Variants in PIGY observed in about 807,000 individuals in gnomAD.
PIGY encodes the protein phosphatidylinositol N-acetylglucosaminyltransferase subunit Y.
PIGY carries 3 observed loss-of-function variants against 4.1 expected under a neutral mutation model. That is an observed-to-expected ratio of 0.73 (90% CI 0.33 to 1.89). The LOEUF (loss-of-function observed/expected upper bound fraction) is 1.89, where lower values mean the gene tolerates loss of function less well. Among genes scored for constraint, PIGY ranks in the 40% most tolerant of loss-of-function variants. The pLI is 0.08. For missense variants in PIGY, 78 were observed against 80.3 expected (o/e 0.97, Z 0.11); for synonymous variants, 33 against 31.4 (o/e 1.05, Z -0.18).
At chr4:88,522,393 C>T (rs1742402755) in intron 1 of PIGY, among the ~76,000 whole-genome samples, 1 of 152,088 alleles carries the variant, frequency 6.6e-6, no homozygotes, top group Non-Finnish European at 1.5e-5. Flanking sequence ...CTGGAATAAA[C>T]ACTAGAGAAA....
chr4:88,523,453 G>C, intron 1 of PIGY, 45 bp downstream of exon 1: 1 of 1,542,718 alleles, frequency 6.5e-7, no homozygotes. Context: ...CTCCCTTTCC[G>C]CCCACCGGGA....
chr4:88,523,544 C>A lies in PIGY; in HGVS notation c.-287G>T, dbSNP rs1742459687. On this transcript the variant is annotated 5_prime_UTR_variant, in exon 1 of 2. Transcript: ENST00000527353. Reference sequence around the variant, plus strand: ...GGGCACACCAGGAACTCCAGCAGCGCCGGATCGAAGTCGCGGGGCGGCTCC... The same window carrying A: ...GGGCACACCAGGAACTCCAGCAGCGACGGATCGAAGTCGCGGGGCGGCTCC... The A allele has an allele frequency of 6.4e-7, 1 of 1,551,052 alleles. No individual in the cohort carries two copies. The highest frequency in any genetic ancestry group is 8.7e-7 in the Non-Finnish European group (1 of 1,146,888).
rs1336052550 is a variant in PIGY at position 88,523,034 on chromosome 4, C to A, written c.-241+464G>T. Among the ~76,000 whole-genome samples the A allele has an allele frequency of 7.2e-5, 11 of 152,008 alleles. No homozygotes were observed. In the East Asian group the frequency reaches 2.1e-3, roughly 29 times the overall value. ...GGGCGTGGGGGCGGCGCCTGTCTCT[C>A]GACTCCTGAGGAGGCTGAGGCGGGA... On this transcript the variant is annotated intron_variant, in intron 1 of 1. Transcript: ENST00000527353.
rs1379565707 is a variant in PIGY at position 88,521,849 on chromosome 4, G to A, written c.-60C>T. The A allele has an allele frequency of 1.3e-6, 2 of 1,560,734 alleles. No individual in the cohort carries two copies. Among genetic ancestry groups the A allele is most frequent in the Non-Finnish European group, 1.7e-6 (2 of 1,154,350 alleles). ...TAAAAGGTATATGGTATTAAGAAAA[G>A]TTGGCTGTTGCGTTTTTTTAATTTT... On this transcript the variant is annotated 5_prime_UTR_variant, in exon 2 of 2. Transcript: ENST00000527353.
rs1478954920 is a variant in PIGY, at chr4:88,522,013, T to C, written c.-224A>G. 7 of 1,546,926 alleles carry C rather than the reference T, an allele frequency of 4.5e-6. No individual in the cohort carries two copies. The highest frequency in any genetic ancestry group is 5.2e-6 in the Non-Finnish European group (6 of 1,145,732). On this transcript the variant is annotated 5_prime_UTR_variant, in exon 2 of 2. Transcript: ENST00000527353. ...CCCAACTCTTCATTAATCAATTCGT[T>C]TGTTGATGCTTCATATCTGAGGTGG...
intron 1 of PIGY, 85 bp downstream of exon 1, chr4:88,523,413 C>G (rs2149119338): frequency 7.2e-7 from 1 of 1,381,438 alleles, no homozygotes; most frequent in East Asian, 2.5e-5. Flanking sequence ...CTACAAGGCC[C>G]CAGTGGCTGC....
chr4:88,522,711 T>C (rs1742414699), intron 1 of PIGY, among the ~76,000 whole-genome samples: 1 of 152,216 alleles, frequency 6.6e-6, no homozygotes, highest in South Asian at 2.1e-4. Flanking sequence ...CAATATTCAA[T>C]TTTGGTAGCT....
At position 88,521,546 on chromosome 4, in the gene PIGY, T is replaced by C; in HGVS notation, c.*28A>G. 1.3e-6 allele frequency: 2 copies of C among 1,548,166 alleles called. No homozygotes were observed. The highest frequency in any genetic ancestry group is 1.8e-6 in the Non-Finnish European group (2 of 1,121,956). On this transcript the variant is annotated 3_prime_UTR_variant, in exon 2 of 2. Transcript: ENST00000527353. ...ATCGATGCCCAAGAGCTATCATTAA[T>C]ATATACAGCATATTGACTCTAGTTG...
chr4:88,521,557 T>C lies in PIGY; in HGVS notation c.*17A>G, dbSNP rs1200695087. 1.3e-6 allele frequency: 2 copies of C among 1,564,682 alleles called. No individual in the cohort carries two copies. Among genetic ancestry groups the C allele is most frequent in the African/African-American group, 1.4e-5 (1 of 73,874 alleles). On this transcript the variant is annotated 3_prime_UTR_variant, in exon 2 of 2. Coordinates refer to ENST00000527353, the MANE Select transcript of PIGY (RefSeq NM_001042616.3). ...AGAGCTATCATTAATATATACAGCA[T>C]ATTGACTCTAGTTGCATCAATTATG...
Position 88,523,691 on chromosome 4 carries a change from C to T in PIGY, c.-434G>A. 1.0e-5 allele frequency: 15 copies of T among 1,487,876 alleles called. No homozygotes were observed. Among genetic ancestry groups the T allele is most frequent in the Non-Finnish European group, 1.2e-5 (14 of 1,126,156 alleles). 92.2% of individuals were successfully genotyped at this position (1,487,876 alleles called of 1,614,324 possible). On this transcript the variant is annotated 5_prime_UTR_variant, in exon 1 of 2. Transcript: ENST00000527353. ...GCTGAGGCGAGCCTGCAGCGTGCTC[C>T]ACTCAGCATGGTCTGGCAGCCGGAG... is the stretch of plus-strand genomic sequence containing the variant.
intron 1 of PIGY, among the ~76,000 whole-genome samples, chr4:88,522,612 C>T (rs1169957127): frequency 2.0e-5 from 3 of 152,124 alleles, no homozygotes; most frequent in African/African-American, 4.8e-5. Context: ...AAAAGAAATA[C>T]GAAAAATTGC....
intron 1 of PIGY, among the ~76,000 whole-genome samples, chr4:88,522,588 TG>T (rs1742410078): frequency 6.6e-6 from 1 of 152,244 alleles, no homozygotes; most frequent in Non-Finnish European, 1.5e-5. Context: ...TTGAATAATA[TG>T]TTTATTACGG....
rs757668194 is a variant in PIGY, at chr4:88,521,852, G to A, written c.-63C>T. 4.5e-6 allele frequency: 7 copies of A among 1,557,262 alleles called. No homozygotes were observed. Among genetic ancestry groups the A allele is most frequent in the Middle Eastern group, 1.7e-4 (1 of 5,962 alleles). ...AAGGTATATGGTATTAAGAAAAGTT[G>A]GCTGTTGCGTTTTTTTAATTTTTTT... On this transcript the variant is annotated 5_prime_UTR_variant, in exon 2 of 2. Transcript: ENST00000527353.
Position 88,522,010 on chromosome 4 carries a change from C to T in PIGY, c.-221G>A, listed in dbSNP as rs1209691786. 7 of 1,547,078 alleles carry T rather than the reference C, an allele frequency of 4.5e-6. No homozygotes were observed. The highest frequency in any genetic ancestry group is 2.4e-5 in the East Asian group (1 of 40,870). On this transcript the variant is annotated 5_prime_UTR_variant, in exon 2 of 2. Coordinates refer to ENST00000527353, the MANE Select transcript of PIGY (RefSeq NM_001042616.3). ...ATTCCCAACTCTTCATTAATCAATT[C>T]GTTTGTTGATGCTTCATATCTGAGG...
At chr4:88,522,412 T>C (rs2149118076) in intron 1 of PIGY, among the ~76,000 whole-genome samples, 1 of 152,330 alleles carries the variant, frequency 6.6e-6, no homozygotes, top group East Asian at 1.9e-4. Flanking sequence ...AAAATCAACT[T>C]CTTCATTTTA....
intron 1 of PIGY, 148 bp downstream of exon 1, chr4:88,523,350 G>T: frequency 1.2e-6 from 1 of 825,782 alleles, no homozygotes. Flanking sequence ...TGCCCGCTGT[G>T]CGCCCGGCGA....
chr4:88,521,640 G>A lies in PIGY; in HGVS notation c.150C>T (p.Thr50=), dbSNP rs775261190. 9.9e-6 allele frequency: 16 copies of A among 1,613,994 alleles called. No homozygotes were observed. The South Asian group carries it at 1.4e-4, about 14-fold the overall frequency. ...LCFYSLLLPI[T]IPVYVFFHLW... ...GGTGGAAGAATACATACACTGGTAT[G>A]GTAATAGGCAAGAGCAGGCTGTAAA... The change falls in exon 2 of 2, where the codon ACC becomes ACT. Residue 50 remains threonine, a synonymous_variant. Coordinates refer to ENST00000527353, the MANE Select transcript of PIGY (RefSeq NM_001042616.3).
chr4:88,521,705 T>G lies in PIGY; in HGVS notation c.85A>C (p.Asn29His), dbSNP rs1282349184. 6.2e-7 allele frequency: 1 copy of G among 1,613,938 alleles called. No individual in the cohort carries two copies. Among genetic ancestry groups the G allele is most frequent in the Admixed American group, 1.7e-5 (1 of 60,020 alleles). Residue 29 changes from asparagine to histidine, a missense_variant, in exon 2 of 2, where the codon AAC becomes CAC. Physicochemically the swap from Asn to His is moderately conservative, Grantham distance 68. Coordinates refer to ENST00000527353, the MANE Select transcript of PIGY (RefSeq NM_001042616.3). Reference sequence around the variant, plus strand: ...GTGCTAGTGCAGCCCTGTGGGAAGTTTTCTTCCACAGAGGCTGAGTAGAAC... The same window carrying G: ...GTGCTAGTGCAGCCCTGTGGGAAGTGTTCTTCCACAGAGGCTGAGTAGAAC... ...GLFYSASVEENFPQGCTSTAS... is the reference protein window; with the variant it reads ...GLFYSASVEEHFPQGCTSTAS...
chr4:88,523,723 C>A lies in PIGY; in HGVS notation c.-466G>T. On this transcript the variant is annotated 5_prime_UTR_variant, in exon 1 of 2. Coordinates refer to ENST00000527353, the MANE Select transcript of PIGY (RefSeq NM_001042616.3). ...CATGGTCTGGCAGCCGGAGACCAGG[C>A]CTCACCGCAGCCTCGCCACCCGTGG... 1 of 1,427,194 alleles carries A rather than the reference C, an allele frequency of 7.0e-7. No homozygotes were observed. The highest frequency in any genetic ancestry group is 9.1e-7 in the Non-Finnish European group (1 of 1,098,194). The allele number at this position is 1,427,194 out of a possible 1,614,324, so 88.4% of individuals were successfully genotyped here. A position where few individuals can be genotyped will look rare whatever the true frequency, so the allele number is the denominator to read the frequency against.
Sources: gnomAD v4.1 joint callset for allele counts (sites outside exome capture counted in the v4.1 genomes callset) on GRCh38, gnomAD v4.1.1 for gene constraint, MANE v1.5 for transcripts, NCBI Gene and HGNC (gene_info 2026-07-23, HGNC 2026-07-21) for gene names.